CHD9: variants seen among roughly 807,000 people sequenced by gnomAD.
The protein encoded by CHD9 is chromodomain helicase DNA binding protein 9.
CHD9 carries 77 observed loss-of-function variants against 316.1 expected under a neutral mutation model. That is an observed-to-expected ratio of 0.24 (90% confidence interval 0.20 to 0.29). The LOEUF is 0.29. Ranked by LOEUF, CHD9 falls within the 10% of genes least tolerant of loss-of-function variation. The probability of loss-of-function intolerance (pLI) is 1.00; values close to 1 mark genes in which losing one functional copy is unlikely to be tolerated. For synonymous variants in CHD9, 1,129 were observed against 1,158.3 expected (o/e 0.97, Z 0.51); for missense variants, 2,763 against 3,438.1 (o/e 0.80, Z 4.91).
intron 26 of CHD9, 57 bp downstream of exon 26, chr16:53,286,400 G>T: frequency 1.1e-6 from 1 of 896,222 alleles, no homozygotes. Flanking sequence ...TTCAATATCA[G>T]CATATTCTAT....
At chr16:53,085,199 C>A (rs2035358588) in intron 1 of CHD9, among the ~76,000 whole-genome samples, 2 of 151,944 alleles carry the variant, frequency 1.3e-5, no homozygotes, top group African/African-American at 2.4e-5. Flanking sequence ...CTCCAGTCCC[C>A]ACCACTCTGG....
intron 1 of CHD9, among the ~76,000 whole-genome samples, chr16:53,110,720 C>T (rs533756280): frequency 2.6e-4 from 40 of 152,274 alleles, no homozygotes; most frequent in Admixed American, 1.2e-3. Flanking sequence ...CAAGACTGAG[C>T]AACTGCACTC....
At chr16:53,273,111 A>C (rs1433098428) in intron 22 of CHD9, among the ~76,000 whole-genome samples, 2 of 152,112 alleles carry the variant, frequency 1.3e-5, no homozygotes, top group Non-Finnish European at 1.5e-5. Context: ...AAAACAACAA[A>C]AAAAAACTAA....
At chr16:53,183,261 A>G (rs1385955572) in intron 2 of CHD9, among the ~76,000 whole-genome samples, 1 of 152,222 alleles carries the variant, frequency 6.6e-6, no homozygotes, top group Non-Finnish European at 1.5e-5. Flanking sequence ...AATAAACATT[A>G]TGGATAACCA....
At position 53,307,779 on chromosome 16, in the gene CHD9, T is replaced by C. The variant is rs2056115354; in HGVS notation, c.6879T>C (p.Ala2293=). ...GAAGTTATGATGCTAACACAGTGGC[T>C]TCTTTCTATACCACAAAACTGCTGG... ...ARRSYDANTV[A]SFYTTKLLDS... is the part of the protein sequence containing the mutation. Residue 2293 remains alanine (A), a synonymous_variant, in exon 33 of 39, where the codon GCT becomes GCC. Coordinates refer to ENST00000447540, the MANE Select transcript of CHD9 (RefSeq NM_001308319.2). The C allele has an allele frequency of 9.3e-6, 15 of 1,613,206 alleles. No homozygotes were observed. The highest frequency in any genetic ancestry group is 1.3e-5 in the African/African-American group (1 of 74,918).
Position 53,171,414 on chromosome 16 carries a change from G to A in CHD9, c.1452+13873G>A, listed in dbSNP as rs769116640. Reference sequence around the variant, plus strand: ...AGCCTGGGCAACAGAGCGAGACTCCGTCTCAAAAAAGTAAAATAAAATAAA... The same window carrying A: ...AGCCTGGGCAACAGAGCGAGACTCCATCTCAAAAAAGTAAAATAAAATAAA... On this transcript the variant is annotated intron_variant, in intron 2 of 38. Coordinates refer to ENST00000447540, the MANE Select transcript of CHD9 (RefSeq NM_001308319.2). Among the ~76,000 whole-genome samples the A allele has an allele frequency of 1.1e-3, 169 of 152,212 alleles. 3 individuals carry two copies. The highest frequency in any genetic ancestry group is 8.5e-4 in the Non-Finnish European group (58 of 68,016).
intron 36 of CHD9, among the ~76,000 whole-genome samples, chr16:53,316,514 A>G (rs2056895371): frequency 6.6e-6 from 1 of 152,164 alleles, no homozygotes; most frequent in South Asian, 2.1e-4. Flanking sequence ...ATTTTATCAT[A>G]ATATTTTATA....
At chr16:53,240,417 T>C (rs1451732777) in intron 12 of CHD9, among the ~76,000 whole-genome samples, 1 of 152,146 alleles carries the variant, frequency 6.6e-6, no homozygotes, top group East Asian at 1.9e-4. Context: ...AGATTCTTGA[T>C]ATGTAATAAA....
intron 30 of CHD9, among the ~76,000 whole-genome samples, chr16:53,300,766 A>G (rs1410747070): frequency 6.6e-6 from 1 of 152,236 alleles, no homozygotes; most frequent in Non-Finnish European, 1.5e-5. Flanking sequence ...GCACAGATGC[A>G]TTGCTTGGAT....
intron 3 of CHD9, among the ~76,000 whole-genome samples, chr16:53,219,573 G>A (rs1191355840): frequency 1.3e-5 from 2 of 152,176 alleles, no homozygotes; most frequent in Non-Finnish European, 2.9e-5. Context: ...AGACTCTTGT[G>A]TCAGGGAGCC....
In CHD9 at chr16:53,303,979, A is replaced by G. The variant is rs1161262909; in HGVS notation, c.5973A>G (p.Glu1991=). ...ACTATCACATTCTTCGTGATCCTGA[A>G]CTCTCATTTATGGCAGCTCAGAGGA... ...RTDYHILRDP[E]LSFMAAQRNY... Residue 1991 remains glutamate, a synonymous_variant, in exon 31 of 39, where the codon GAA becomes GAG. Coordinates refer to ENST00000447540, the MANE Select transcript of CHD9 (RefSeq NM_001308319.2). 1 of 1,613,988 alleles carries G rather than the reference A, an allele frequency of 6.2e-7. No individual in the cohort carries two copies. Among genetic ancestry groups the G allele is most frequent in the Non-Finnish European group, 8.5e-7 (1 of 1,179,886 alleles).
intron 2 of CHD9, among the ~76,000 whole-genome samples, chr16:53,182,426 A>G (rs1451431712): frequency 2.0e-5 from 3 of 152,100 alleles, no homozygotes; most frequent in African/African-American, 7.2e-5. Context: ...TGTATTTTTT[A>G]CTTAATGATT....
chr16:53,124,731 C>T (rs948787690), intron 1 of CHD9, among the ~76,000 whole-genome samples: 6 of 151,970 alleles, frequency 3.9e-5, no homozygotes, highest in Non-Finnish European at 7.4e-5. Context: ...CTGCCCTCTT[C>T]GGCCTCCCAA....
In CHD9 at chr16:53,325,464, T is replaced by A. The variant is rs1185651785; in HGVS notation, c.*569T>A. ...AAATAAGTTTCCCAATCAGCCAATTTAACTGGCTACCTGTTACCTCAGCTG... is the reference window on the plus strand; with the variant it reads ...AAATAAGTTTCCCAATCAGCCAATTAAACTGGCTACCTGTTACCTCAGCTG... On this transcript the variant is annotated 3_prime_UTR_variant, in exon 39 of 39. Transcript: ENST00000447540. 6.6e-6 allele frequency: 1 copy of A among 152,654 alleles called. No individual in the cohort carries two copies. Among genetic ancestry groups the A allele is most frequent in the African/African-American group, 2.4e-5 (1 of 41,470 alleles). 9.5% of individuals were successfully genotyped at this position (152,654 alleles called of 1,614,324 possible).
chr16:53,314,274 A>G, intron 34 of CHD9, 103 bp from the exon 35 acceptor site: 1 of 764,160 alleles, frequency 1.3e-6, no homozygotes. Flanking sequence ...TTAAAGATGT[A>G]TAAAATAAGA....
intron 1 of CHD9, among the ~76,000 whole-genome samples, chr16:53,055,389 C>G (rs1396694300): frequency 6.6e-6 from 1 of 152,160 alleles, no homozygotes; most frequent in African/African-American, 2.4e-5. Context: ...TCCAGGGTGG[C>G]AGCCGAGTGC....
chr16:53,163,967 TG>T (rs1450469986), intron 2 of CHD9, among the ~76,000 whole-genome samples: 1 of 152,192 alleles, frequency 6.6e-6, no homozygotes, highest in Non-Finnish European at 1.5e-5. Context: ...GGTTGGAAAC[TG>T]AGATACAGAG....
At position 53,297,090 on chromosome 16, in the gene CHD9, G is replaced by A; in HGVS notation, c.5645G>A (p.Ser1882Asn). ...AGGCTACATAAGAAAACTGATGATA[G>A]TTTGGAAAAATATTTGTACGCATTC... Reference protein sequence around the residue: ...MARLHKKTDDSLEKYLYAFMS... With the variant: ...MARLHKKTDDNLEKYLYAFMS... Residue 1882 changes from serine to asparagine, a missense_variant, in exon 30 of 39, where the codon AGT (serine) becomes AAT (asparagine). Physicochemically the swap from Ser to Asn is conservative, Grantham distance 46. Transcript: ENST00000447540. The A allele has an allele frequency of 3.1e-6, 5 of 1,613,908 alleles. No homozygotes were observed. The highest frequency in any genetic ancestry group is 4.2e-6 in the Non-Finnish European group (5 of 1,179,836).
chr16:53,167,592 G>A (rs1307601569), intron 2 of CHD9, among the ~76,000 whole-genome samples: 1 of 151,230 alleles, frequency 6.6e-6, no homozygotes, highest in Non-Finnish European at 1.5e-5. Flanking sequence ...ACTTAAAGAA[G>A]GTGTTCCTCT....
Sources: gnomAD v4.1 joint callset for allele counts (sites outside exome capture counted in the v4.1 genomes callset) on GRCh38, gnomAD v4.1.1 for gene constraint, MANE v1.5 for transcripts, NCBI Gene and HGNC (gene_info 2026-07-23, HGNC 2026-07-21) for gene names.